Variants in NUBPL observed in about 807,000 individuals in gnomAD.
NUBPL encodes the protein iron-sulfur cluster transfer protein NUBPL.
In NUBPL, 31 loss-of-function variants were observed where a neutral mutation model predicts 45.7. That is an observed-to-expected ratio of 0.68 (90% CI 0.51 to 0.92). The LOEUF (loss-of-function observed/expected upper bound fraction) is 0.92. NUBPL is among the 40% of genes least tolerant of loss of function. The probability of loss-of-function intolerance (pLI) is 0.00; values close to 1 mark genes in which losing one functional copy is unlikely to be tolerated. For missense variants in NUBPL, 401 were observed against 398.7 expected, an observed-to-expected ratio of 1.01 and a Z score of -0.05; for synonymous variants, 144 against 140.9, an observed-to-expected ratio of 1.02 and a Z score of -0.15.
intron 6 of NUBPL, among the ~76,000 whole-genome samples, chr14:31,688,605 AAAAG>A (rs1354640141): frequency 6.7e-6 from 1 of 150,298 alleles, no homozygotes; most frequent in African/African-American, 2.5e-5. Flanking sequence ...AAAAAAAAAA[AAAAG>A]AAAATCTTTG....
intron 8 of NUBPL, among the ~76,000 whole-genome samples, chr14:31,837,182 G>A (rs1159653629): frequency 1.3e-5 from 2 of 152,124 alleles, no homozygotes; most frequent in Non-Finnish European, 1.5e-5. Context: ...TTAGCTGAGT[G>A]TGCTGGCATG....
At chr14:31,707,557 C>T (rs550702303) in intron 6 of NUBPL, among the ~76,000 whole-genome samples, 12 of 152,204 alleles carry the variant, frequency 7.9e-5, no homozygotes, top group African/African-American at 1.4e-4. Flanking sequence ...TCGCTGTGTC[C>T]GGGGATCCAT....
chr14:31,602,785 A>G (rs2034479446), intron 4 of NUBPL, among the ~76,000 whole-genome samples: 1 of 152,200 alleles, frequency 6.6e-6, no homozygotes, highest in South Asian at 2.1e-4. Context: ...TTATTTGAAT[A>G]GGAAATATAT....
intron 6 of NUBPL, among the ~76,000 whole-genome samples, chr14:31,752,046 C>T (rs568269501): frequency 6.6e-6 from 1 of 152,166 alleles, no homozygotes; most frequent in Non-Finnish European, 1.5e-5. Context: ...AAGGCCCCAC[C>T]CACAAAACCA....
At chr14:31,790,904 C>G (rs1409879332) in intron 7 of NUBPL, among the ~76,000 whole-genome samples, 2 of 152,090 alleles carry the variant, frequency 1.3e-5, no homozygotes, top group Non-Finnish European at 2.9e-5. Flanking sequence ...TTCTCCCCAG[C>G]CCCTGATAAC....
intron 6 of NUBPL, among the ~76,000 whole-genome samples, chr14:31,784,559 C>T (rs2039251383): frequency 6.6e-6 from 1 of 152,294 alleles, no homozygotes; most frequent in Middle Eastern, 3.4e-3. Context: ...TCATGTGACT[C>T]AGGCCTCATG....
chr14:31,626,547 T>C (rs1472528202), intron 4 of NUBPL, among the ~76,000 whole-genome samples: 4 of 152,210 alleles, frequency 2.6e-5, no homozygotes, highest in Admixed American at 6.5e-5. Context: ...AGATTGGAAA[T>C]GGCAGTAAGT....
chr14:31,705,691 G>A (rs2037434445), intron 6 of NUBPL, among the ~76,000 whole-genome samples: 3 of 152,098 alleles, frequency 2.0e-5, no homozygotes, highest in Non-Finnish European at 4.4e-5. Flanking sequence ...TAGACACAGA[G>A]TGCTGATTGG....
chr14:31,822,536 T>C (rs949997544), intron 7 of NUBPL, among the ~76,000 whole-genome samples: 4 of 152,122 alleles, frequency 2.6e-5, no homozygotes, highest in African/African-American at 4.8e-5. Context: ...AAAGAGGTAG[T>C]GATTTATGTG....
intron 3 of NUBPL, among the ~76,000 whole-genome samples, chr14:31,590,663 G>T (rs941586386): frequency 6.6e-6 from 1 of 152,084 alleles, no homozygotes; most frequent in East Asian, 1.9e-4. Context: ...TATTTGTTTG[G>T]GGAAAGGTTC....
At chr14:31,760,161 G>C (rs867578780) in intron 6 of NUBPL, among the ~76,000 whole-genome samples, 5 of 143,036 alleles carry the variant, frequency 3.5e-5, no homozygotes, top group African/African-American at 1.3e-4. Context: ...GAGAGAGAGA[G>C]AGAGAGAGAG....
chr14:31,853,754 G>A (rs2040576367), intron 10 of NUBPL, among the ~76,000 whole-genome samples: 1 of 152,130 alleles, frequency 6.6e-6, no homozygotes, highest in Non-Finnish European at 1.5e-5. Context: ...CACCACTTAG[G>A]AAAGGCAAGT....
chr14:31,708,912 C>A (rs1812100821), intron 6 of NUBPL, among the ~76,000 whole-genome samples: 1 of 152,150 alleles, frequency 6.6e-6, no homozygotes, highest in African/African-American at 2.4e-5. Flanking sequence ...ATTGGACAAT[C>A]TTTTTTAAAG....
intron 6 of NUBPL, among the ~76,000 whole-genome samples, chr14:31,701,523 T>A (rs576390273): frequency 3.2e-4 from 49 of 152,236 alleles, no homozygotes; most frequent in Non-Finnish European, 5.9e-4. Context: ...TCGCAATAAA[T>A]CTTGCTGCTG....
intron 4 of NUBPL, among the ~76,000 whole-genome samples, chr14:31,631,300 G>A (rs12890288): frequency 0.29 from 44,647 of 151,916 alleles, 7,449 homozygotes; most frequent in South Asian, 0.41. Context: ...TTATGGCCAG[G>A]AGCAAAGCTC....
intron 6 of NUBPL, among the ~76,000 whole-genome samples, chr14:31,752,960 C>T (rs1209694891): frequency 6.6e-6 from 1 of 152,104 alleles, no homozygotes; most frequent in Non-Finnish European, 1.5e-5. Flanking sequence ...ACTTTTTAAC[C>T]ATCAGATCTC....
At chr14:31,731,161 A>G (rs531499505) in intron 6 of NUBPL, among the ~76,000 whole-genome samples, 1 of 152,356 alleles carries the variant, frequency 6.6e-6, no homozygotes, top group African/African-American at 2.4e-5. Context: ...AAAACACACT[A>G]TTTAAAACTT....
chr14:31,806,582 T>C (rs1250585441), intron 7 of NUBPL, among the ~76,000 whole-genome samples: 3 of 152,160 alleles, frequency 2.0e-5, no homozygotes, highest in Non-Finnish European at 4.4e-5. Flanking sequence ...GGTTTTATCT[T>C]TTCTTTTTTC....
At chr14:31,639,233 T>G (rs1219388338) in intron 4 of NUBPL, among the ~76,000 whole-genome samples, 1 of 152,182 alleles carries the variant, frequency 6.6e-6, no homozygotes, top group Non-Finnish European at 1.5e-5. Flanking sequence ...ACTTTTGGTC[T>G]TTGATGATGG....
Sources: gnomAD v4.1 joint callset for allele counts (sites outside exome capture counted in the v4.1 genomes callset) on GRCh38, gnomAD v4.1.1 for gene constraint, MANE v1.5 for transcripts, NCBI Gene and HGNC (gene_info 2026-07-23, HGNC 2026-07-21) for gene names.